PCTP: variants seen among roughly 807,000 people sequenced by gnomAD.
The protein encoded by PCTP is START domain-containing protein 2.
PCTP carries 27 observed loss-of-function variants against 31.0 expected under a neutral mutation model. That is an observed-to-expected ratio of 0.87 (90% CI 0.64 to 1.20). PCTP has a LOEUF of 1.20. PCTP is among the 50% of genes most tolerant of loss of function. The pLI is 0.00. For missense variants in PCTP, 287 were observed against 268.2 expected (o/e 1.07, Z -0.49); for synonymous variants, 108 against 101.2 (o/e 1.07, Z -0.40).
At chr17:55,757,690 A>T (rs745847443) in intron 1 of PCTP, among the ~76,000 whole-genome samples, 2 of 152,112 alleles carry the variant, frequency 1.3e-5, no homozygotes, top group African/African-American at 4.8e-5. Context: ...TTTATGCATT[A>T]TATTTCTAAC....
At chr17:55,826,357 G>T (rs1905396912), downstream of PCTP, among the ~76,000 whole-genome samples, 1 of 151,998 alleles carries the variant, frequency 6.6e-6, no homozygotes, top group South Asian at 2.1e-4. Context: ...CTAGAGCAGG[G>T]TTGCCAGAAA....
At chr17:55,835,518 C>G (rs1392400647) in intron 5 of PCTP, among the ~76,000 whole-genome samples, 1 of 152,140 alleles carries the variant, frequency 6.6e-6, no homozygotes, top group African/African-American at 2.4e-5. Context: ...ATATCCTTTA[C>G]TATTTGATAT....
downstream of PCTP, among the ~76,000 whole-genome samples, chr17:55,827,719 A>G (rs572334543): frequency 4.9e-4 from 74 of 152,316 alleles, no homozygotes; most frequent in Admixed American, 8.5e-4. Context: ...TGTTCCTGGT[A>G]AGAACTTACT....
intron 3 of PCTP, among the ~76,000 whole-genome samples, chr17:55,800,763 T>A (rs1181851284): frequency 6.6e-6 from 1 of 152,202 alleles, no homozygotes; most frequent in East Asian, 1.9e-4. Context: ...TTTGTGGATT[T>A]ATCTACTTTT....
chr17:55,791,701 G>C lies in PCTP; in HGVS notation c.317+4047G>C, dbSNP rs1379361814. On this transcript the variant is annotated intron_variant, in intron 3 of 3. Transcript: ENST00000572536. ...GAAGAAATAGGAACACTTTTACACT[G>C]TTGGTGGGATTGTAAACTAGTTCAA... Among the ~76,000 whole-genome samples the C allele has an allele frequency of 5.3e-5, 8 of 152,270 alleles. No individual in the cohort carries two copies. In the East Asian group the frequency reaches 1.5e-3, roughly 29 times the overall value.
the PCTP span, among the ~76,000 whole-genome samples, chr17:55,848,487 A>G: frequency 6.6e-6 from 1 of 152,188 alleles, no homozygotes; most frequent in Non-Finnish European, 1.5e-5. Context: ...AATGGCAATC[A>G]TGAGAGCAGA....
chr17:55,760,045 T>G (rs563376099), intron 1 of PCTP, among the ~76,000 whole-genome samples: 19 of 152,316 alleles, frequency 1.2e-4, no homozygotes, highest in African/African-American at 4.1e-4. Context: ...ATATACCAGT[T>G]TAATGTTTCG....
At chr17:55,822,838 A>G (rs868091274) in exon 4 of PCTP, 6 of 1,229,066 alleles carry the variant, frequency 4.9e-6, no homozygotes, top group East Asian at 6.3e-5. Flanking sequence ...ACATTCTGCA[A>G]TAGATTGAGT....
At chr17:55,780,845 A>G (rs1275261128), downstream of PCTP, among the ~76,000 whole-genome samples, 1 of 152,204 alleles carries the variant, frequency 6.6e-6, no homozygotes, top group African/African-American at 2.4e-5. Flanking sequence ...GTATGAACTC[A>G]GCTTGTTCTT....
chr17:55,803,882 T>C (rs565174240), intron 3 of PCTP, among the ~76,000 whole-genome samples: 5 of 144,594 alleles, frequency 3.5e-5, no homozygotes, highest in Non-Finnish European at 6.0e-5. Context: ...ACTAAAGAGC[T>C]TCTGCAGAGC....
chr17:55,842,364 G>A lies in PCTP; in HGVS notation n.506-363G>A, dbSNP rs535703494. ...ATGGGAACTGTTTGGTTTAAGTTAC[G>A]TGTTTTTTCCATTGCCTTATTTTCA... On this transcript the variant is annotated intron_variant and non_coding_transcript_variant, in intron 5 of 5. Transcript: ENST00000576221. 5.3e-5 allele frequency among the ~76,000 whole-genome samples: 8 copies of A among 152,286 alleles called. No homozygotes were observed. The East Asian group carries it at 5.8e-4, about 11-fold the overall frequency.
chr17:55,849,604 C>T, the PCTP span, among the ~76,000 whole-genome samples: 4,560 of 152,136 alleles, frequency 0.03, 98 homozygotes, highest in Non-Finnish European at 0.048. Flanking sequence ...GCCTGGGCAA[C>T]AAGAGCGAAA....
At chr17:55,805,882 C>CTGTGTGTGTGTGTGTGTG (rs1912563730) in intron 3 of PCTP, among the ~76,000 whole-genome samples, 1 of 105,226 alleles carries the variant, frequency 9.5e-6, no homozygotes, top group Admixed American at 8.4e-5. Flanking sequence ...CTCTCTCAAT[C>CTGTGTGTGTGTGTGTGTG]TGTATGTGTG....
At chr17:55,777,434 A>T, downstream of PCTP, 1 of 950,830 alleles carries the variant, frequency 1.1e-6, no homozygotes, top group South Asian at 4.9e-5. Flanking sequence ...CATCAGTTAG[A>T]TCTCCTTTAT....
chr17:55,845,420 C>CCCGCGGGCTCCCAGGACGGCGT (rs1906116107), downstream of PCTP, among the ~76,000 whole-genome samples: 1 of 152,192 alleles, frequency 6.6e-6, no homozygotes, highest in Non-Finnish European at 1.5e-5. Context: ...ATCCCCGTTC[C>CCCGCGGGCTCCCAGGACGGCGT]CCGCGGGCTC....
At chr17:55,759,445 A>G (rs868558819) in intron 1 of PCTP, among the ~76,000 whole-genome samples, 4 of 152,324 alleles carry the variant, frequency 2.6e-5, no homozygotes, top group South Asian at 2.1e-4. Context: ...GTCTTGGCAC[A>G]TACTTCCCAG....
Position 55,776,262 on chromosome 17 carries a change from A to G in PCTP, c.*162A>G, listed in dbSNP as rs1911324937. On this transcript the variant is annotated 3_prime_UTR_variant, in exon 6 of 6. Coordinates refer to ENST00000268896, the MANE Select transcript of PCTP (RefSeq NM_021213.4). Reference sequence around the variant, plus strand: ...CTGCTGTTTCTGTCTTCAGAGGCCTACACACTACCACATCCTTTCTAAGCA... The same window carrying G: ...CTGCTGTTTCTGTCTTCAGAGGCCTGCACACTACCACATCCTTTCTAAGCA... The G allele has an allele frequency of 2.1e-6, 3 of 1,420,932 alleles. No individual in the cohort carries two copies. The highest frequency in any genetic ancestry group is 2.8e-6 in the Non-Finnish European group (3 of 1,088,562). 88.0% of individuals were successfully genotyped at this position (1,420,932 alleles called of 1,614,324 possible).
chr17:55,807,301 A>T (rs940342735), intron 3 of PCTP, among the ~76,000 whole-genome samples: 35 of 152,186 alleles, frequency 2.3e-4, no homozygotes, highest in African/African-American at 8.4e-4. Context: ...AAGTGTTTAT[A>T]AAACTAAACA....
At chr17:55,763,388 G>A (rs1361845789) in intron 1 of PCTP, among the ~76,000 whole-genome samples, 1 of 151,844 alleles carries the variant, frequency 6.6e-6, no homozygotes, top group African/African-American at 2.4e-5. Context: ...AGTATAAAGA[G>A]CCTTAAAATG....
Sources: gnomAD v4.1 joint callset for allele counts (sites outside exome capture counted in the v4.1 genomes callset) on GRCh38, gnomAD v4.1.1 for gene constraint, MANE v1.5 for transcripts, NCBI Gene and HGNC (gene_info 2026-07-23, HGNC 2026-07-21) for gene names.